MAGI2: variants seen among roughly 807,000 people sequenced by gnomAD.
MAGI2 encodes membrane-associated guanylate kinase, WW and PDZ domain-containing protein 2.
MAGI2 carries 35 observed loss-of-function variants against 133.3 expected under a neutral mutation model. That is an observed-to-expected ratio of 0.26 (90% CI 0.20 to 0.35). MAGI2 has a LOEUF of 0.35. Ranked by LOEUF, MAGI2 falls within the 10% of genes least tolerant of loss-of-function variation. MAGI2 has a pLI of 1.00. For missense variants in MAGI2, 1,636 were observed against 1,863.4 expected, an observed-to-expected ratio of 0.88 and a Z score of 2.25; for synonymous variants, 729 against 710.6, an observed-to-expected ratio of 1.03 and a Z score of -0.41.
chr7:78,099,999 T>A (rs3807740), intron 20 of MAGI2, among the ~76,000 whole-genome samples: 36,315 of 151,886 alleles, frequency 0.24, 4,466 homozygotes, highest in South Asian at 0.29. Flanking sequence ...GATGACAATA[T>A]TCTCTGTAAT....
chr7:78,662,355 T>C (rs976167022), intron 2 of MAGI2, among the ~76,000 whole-genome samples: 2 of 152,198 alleles, frequency 1.3e-5, no homozygotes, highest in African/African-American at 4.8e-5. Context: ...AATCTTGTAG[T>C]ATTTTCTTAC....
intron 1 of MAGI2, among the ~76,000 whole-genome samples, chr7:79,056,342 G>T (rs1426207626): frequency 6.6e-6 from 1 of 152,126 alleles, no homozygotes; most frequent in Non-Finnish European, 1.5e-5. Context: ...TTCCAGCCTG[G>T]TAGATTTTTT....
At chr7:79,344,860 G>A (rs1267021058) in intron 1 of MAGI2, among the ~76,000 whole-genome samples, 1 of 152,036 alleles carries the variant, frequency 6.6e-6, no homozygotes, top group Admixed American at 6.6e-5. Flanking sequence ...TTGATATTAG[G>A]GGAGTCAGTT....
intron 1 of MAGI2, among the ~76,000 whole-genome samples, chr7:79,282,056 A>C (rs1835683278): frequency 6.6e-6 from 1 of 152,202 alleles, no homozygotes; most frequent in African/African-American, 2.4e-5. Context: ...AAAGGGATCA[A>C]TGAAAAGATC....
At chr7:78,047,067 A>G (rs555548199) in intron 21 of MAGI2, among the ~76,000 whole-genome samples, 1 of 152,328 alleles carries the variant, frequency 6.6e-6, no homozygotes, top group East Asian at 1.9e-4. Context: ...ACCCACATCA[A>G]CCGGATGTAA....
intron 1 of MAGI2, among the ~76,000 whole-genome samples, chr7:79,214,712 AATATAAATATATAAAT>A (rs919392572): frequency 1.4e-5 from 2 of 140,658 alleles, no homozygotes; most frequent in Non-Finnish European, 3.1e-5. Context: ...AATATACATA[AATATAAATATATAAAT>A]ATATAAATAT....
At chr7:78,650,393 C>T (rs928602645) in intron 2 of MAGI2, among the ~76,000 whole-genome samples, 2 of 152,114 alleles carry the variant, frequency 1.3e-5, no homozygotes, top group Non-Finnish European at 2.9e-5. Context: ...AAGTGGGAAC[C>T]AAAGTCTTTC....
chr7:78,137,234 C>A (rs966087530), intron 16 of MAGI2, among the ~76,000 whole-genome samples: 1 of 152,128 alleles, frequency 6.6e-6, no homozygotes, highest in Admixed American at 6.5e-5. Context: ...GATTTGGTCT[C>A]CCTGGCCATA....
intron 21 of MAGI2, among the ~76,000 whole-genome samples, chr7:78,039,016 T>C (rs891833564): frequency 4.6e-5 from 7 of 152,222 alleles, no homozygotes; most frequent in Non-Finnish European, 8.8e-5. Flanking sequence ...AATGGGTGTC[T>C]AATATTCACT....
In MAGI2 at chr7:79,367,846, TTATA is replaced by T. The variant is rs1461584388; in HGVS notation, c.301+85170_301+85173del. Among the ~76,000 whole-genome samples the T allele has an allele frequency of 1.6e-3, 217 of 138,126 alleles. 9 individuals are homozygous for T. The highest frequency in any genetic ancestry group is 6.4e-3 in the African/African-American group (205 of 32,096). 90.6% of individuals were successfully genotyped at this position (138,126 alleles called of 152,430 possible). A position where few individuals can be genotyped will look rare whatever the true frequency, so the allele number is the denominator to read the frequency against. ...TCCCCATTAAGTCATATATATATGCTTATATATGTGACATATATATATATATATA... is the reference window on the plus strand; with the variant it reads ...TCCCCATTAAGTCATATATATATGCTTATGTGACATATATATATATATATA... On this transcript the variant is annotated intron_variant, in intron 1 of 21. Coordinates refer to ENST00000354212, the MANE Select transcript of MAGI2 (RefSeq NM_012301.4).
intron 1 of MAGI2, among the ~76,000 whole-genome samples, chr7:79,421,098 C>G (rs548285208): frequency 2.4e-4 from 36 of 151,852 alleles, no homozygotes; most frequent in Non-Finnish European, 4.0e-4. Flanking sequence ...CTTTGGGTAC[C>G]GTGGACTGTG....
At chr7:79,118,441 A>G (rs1297821309) in intron 1 of MAGI2, among the ~76,000 whole-genome samples, 1 of 152,192 alleles carries the variant, frequency 6.6e-6, no homozygotes, top group Non-Finnish European at 1.5e-5. Context: ...TGCAATCAAC[A>G]TAGAGCTAAA....
chr7:78,711,027 T>C (rs1819132241), intron 2 of MAGI2, among the ~76,000 whole-genome samples: 1 of 152,180 alleles, frequency 6.6e-6, no homozygotes, highest in South Asian at 2.1e-4. Flanking sequence ...ATTCTCTTTG[T>C]AGTCTAGTGC....
At chr7:79,103,710 T>C (rs1169924902) in intron 1 of MAGI2, among the ~76,000 whole-genome samples, 1 of 151,540 alleles carries the variant, frequency 6.6e-6, no homozygotes, top group Non-Finnish European at 1.5e-5. Flanking sequence ...TTATTTTTTA[T>C]TTTTTTTGAG....
rs569171138 is a variant in MAGI2, at chr7:78,113,895, C to A, written c.3567+11799G>T. On this transcript the variant is annotated intron_variant, in intron 20 of 21. Transcript: ENST00000354212. ...GAAATATTATTCCCATTGATTAGATCAGTAAAATTGACTCTCTGTGAAATT... is the reference window on the plus strand; with the variant it reads ...GAAATATTATTCCCATTGATTAGATAAGTAAAATTGACTCTCTGTGAAATT... Among the ~76,000 whole-genome samples, 3 of 152,270 alleles carry A rather than the reference C, an allele frequency of 2.0e-5. No individual in the cohort carries two copies. In the South Asian group the frequency reaches 6.2e-4, roughly 32 times the overall value.
chr7:79,208,004 A>G (rs1829199475), intron 1 of MAGI2, among the ~76,000 whole-genome samples: 3 of 152,016 alleles, frequency 2.0e-5, no homozygotes. Flanking sequence ...ATGAAATTAG[A>G]CCTTTCTCTC....
intron 3 of MAGI2, among the ~76,000 whole-genome samples, chr7:78,525,051 C>A (rs1796833889): frequency 6.6e-6 from 1 of 151,760 alleles, no homozygotes; most frequent in Admixed American, 6.6e-5. Flanking sequence ...AAAATAAATA[C>A]TAAATAACAG....
At chr7:79,050,253 T>C (rs146232624) in intron 1 of MAGI2, among the ~76,000 whole-genome samples, 1 of 152,280 alleles carries the variant, frequency 6.6e-6, no homozygotes, top group African/African-American at 2.4e-5. Context: ...TCTCTCCTGT[T>C]CATTTAACAT....
At chr7:78,570,692 T>C (rs1453065223) in intron 3 of MAGI2, among the ~76,000 whole-genome samples, 5 of 152,202 alleles carry the variant, frequency 3.3e-5, no homozygotes, top group African/African-American at 4.8e-5. Context: ...ATTTGCTCAG[T>C]GATTACCAGG....
Sources: gnomAD v4.1 joint callset for allele counts (sites outside exome capture counted in the v4.1 genomes callset) on GRCh38, gnomAD v4.1.1 for gene constraint, MANE v1.5 for transcripts, NCBI Gene and HGNC (gene_info 2026-07-23, HGNC 2026-07-21) for gene names.